Variants in NUMA1 observed in about 807,000 individuals in gnomAD.
The protein encoded by NUMA1 is SP-H antigen.
In NUMA1, 62 loss-of-function variants were observed where a neutral mutation model predicts 237.1. The observed-to-expected ratio is 0.26, with a 90% CI of 0.21 to 0.32. The LOEUF is 0.32. NUMA1 is among the 10% of genes least tolerant of loss of function. NUMA1 has a pLI of 1.00. For missense variants in NUMA1, 2,533 were observed against 2,666.5 expected (o/e 0.95, Z 1.10); for synonymous variants, 1,028 against 1,066.1 (o/e 0.96, Z 0.70).
chr11:72,022,143 G>T, intron 7 of NUMA1, 196 bp downstream of exon 7: 1 of 494,174 alleles, frequency 2.0e-6, no homozygotes, highest in Non-Finnish European at 3.6e-6. Context: ...AGCAAACTCT[G>T]GGAATGAGTT....
intron 6 of NUMA1, among the ~76,000 whole-genome samples, chr11:72,022,763 T>C (rs1183448631): frequency 6.6e-6 from 1 of 151,952 alleles, no homozygotes; most frequent in Non-Finnish European, 1.5e-5. Flanking sequence ...AATAAAAATA[T>C]GGTGATAGCC....
At position 72,046,188 on chromosome 11, in the gene NUMA1, A is replaced by G. The variant is rs372938345; in HGVS notation, c.-32-10213T>C. On this transcript the variant is annotated intron_variant, in intron 2 of 26. Transcript: ENST00000393695. ...GCCTAGACAGGCAGCAGGCGGCCACATGGCTCCTGCCTGATTCTTACTGTC... is the reference window on the plus strand; with the variant it reads ...GCCTAGACAGGCAGCAGGCGGCCACGTGGCTCCTGCCTGATTCTTACTGTC... 3.3e-5 allele frequency among the ~76,000 whole-genome samples: 5 copies of G among 152,340 alleles called. No individual in the cohort carries two copies. The East Asian group carries it at 5.8e-4, about 18-fold the overall frequency.
intron 6 of NUMA1, among the ~76,000 whole-genome samples, 191 bp from the exon 7 acceptor site, chr11:72,022,610 T>G (rs892841842): frequency 6.7e-6 from 1 of 150,130 alleles, no homozygotes; most frequent in Admixed American, 6.7e-5. Flanking sequence ...TTAAGGATAG[T>G]GTACACTGTA....
At chr11:72,016,592 G>A in intron 13 of NUMA1, 62 bp from the exon 14 acceptor site, 1 of 1,575,216 alleles carries the variant, frequency 6.3e-7, no homozygotes, top group Non-Finnish European at 8.7e-7. Flanking sequence ...TACCACACAA[G>A]CCCTCATAAA....
intron 1 of NUMA1, among the ~76,000 whole-genome samples, chr11:72,078,923 C>G (rs1201041186): frequency 2.0e-5 from 3 of 152,252 alleles, no homozygotes; most frequent in African/African-American, 7.2e-5. Flanking sequence ...AAAGCTTTAA[C>G]GACCAGACAA....
At chr11:72,047,742 G>A (rs1345100547) in intron 2 of NUMA1, 6 of 152,080 alleles carry the variant, frequency 3.9e-5, no homozygotes, top group Admixed American at 3.9e-4. Flanking sequence ...GATTAGCTAC[G>A]AATTACAACA....
In NUMA1 at chr11:72,004,235, G is replaced by A. The variant is rs763294236; in HGVS notation, c.6113C>T (p.Ser2038Phe). ...CAGCCCCAGCCTCACCTGTTTAGTA[G>A]AAGCTGGAGCTGCTTTCTTCTGGGC... ...TEAQKKAAPA[S>F]TKQADRRQSM... The change falls in exon 25 of 27, where the codon TCT becomes TTT. Residue 2038 changes from serine to phenylalanine, a missense_variant. Physicochemically the swap from Ser to Phe is radical, Grantham distance 155. Transcript: ENST00000393695. The A allele has an allele frequency of 1.2e-6, 2 of 1,610,782 alleles. No homozygotes were observed. The highest frequency in any genetic ancestry group is 1.1e-5 in the South Asian group (1 of 90,830).
chr11:72,014,804 T>A lies in NUMA1; in HGVS notation c.2699A>T (p.Asp900Val). The A allele has an allele frequency of 1.2e-6, 2 of 1,614,198 alleles. No individual in the cohort carries two copies. The highest frequency in any genetic ancestry group is 2.2e-5 in the South Asian group (2 of 91,090). The change falls in exon 15 of 27, where the codon GAT becomes GTT. Residue 900 changes from aspartate to valine, a missense_variant. Asp to Val is a radical substitution (Grantham distance 152). Coordinates refer to ENST00000393695, the MANE Select transcript of NUMA1 (RefSeq NM_006185.4). The surrounding 1 kb of genome is among the most constrained non-coding windows in gnomAD (Gnocchi z 4.6). ...EKEVRAQKLA[D>V]DLSTLQEKMA... ...CTTTTCCTGCAGAGTGGAGAGGTCATCTGCAAGCTTCTGGGCCCTGACTTC... is the reference window on the plus strand; with the variant it reads ...CTTTTCCTGCAGAGTGGAGAGGTCAACTGCAAGCTTCTGGGCCCTGACTTC...
chr11:72,018,651 G>T, intron 10 of NUMA1, 138 bp from the exon 11 acceptor site: 1 of 1,067,170 alleles, frequency 9.4e-7, no homozygotes, highest in Non-Finnish European at 1.4e-6. Context: ...CAATCTAAGG[G>T]AAAGAGAAGA....
At chr11:72,009,993 C>CT (rs767628585) in intron 17 of NUMA1, among the ~76,000 whole-genome samples, 1 of 152,248 alleles carries the variant, frequency 6.6e-6, no homozygotes, top group Non-Finnish European at 1.5e-5. Context: ...GCCTGATTCT[C>CT]TGTCCATCTG....
chr11:72,028,779 CT>C lies in NUMA1; in HGVS notation c.128+425del, dbSNP rs1244043661. 2.0e-5 allele frequency among the ~76,000 whole-genome samples: 3 copies of C among 152,340 alleles called. No individual in the cohort carries two copies. In the East Asian group the frequency reaches 5.8e-4, roughly 29 times the overall value. On this transcript the variant is annotated intron_variant, in intron 4 of 26. Coordinates refer to ENST00000393695, the MANE Select transcript of NUMA1 (RefSeq NM_006185.4). The stretch of plus-strand genomic sequence containing the variant: ...GAGATGAGATTTCTAGGTGTTTCTT[CT>C]TTCCTTCAGATGTGAGAGCTTCCCC...
intron 2 of NUMA1, among the ~76,000 whole-genome samples, chr11:72,046,683 G>C (rs917083257): frequency 6.6e-6 from 1 of 152,080 alleles, no homozygotes. Flanking sequence ...AGGGAGGGCT[G>C]GGCACAGTGG....
At chr11:72,011,532 C>G (rs1196264227) in intron 16 of NUMA1, among the ~76,000 whole-genome samples, 1 of 152,234 alleles carries the variant, frequency 6.6e-6, no homozygotes. Flanking sequence ...GGAGTTCAAG[C>G]ATGACCAGGC....
rs1202340994 is a variant in NUMA1 at position 72,015,057 on chromosome 11, G to A, written c.2446C>T (p.Arg816Trp). Residue 816 changes from arginine to tryptophan, a missense_variant, in exon 15 of 27, where the codon CGG becomes TGG. Physicochemically the swap from Arg to Trp is moderately radical, Grantham distance 101 (BLOSUM62 -3). Coordinates refer to ENST00000393695, the MANE Select transcript of NUMA1 (RefSeq NM_006185.4). This position sits in a 1 kb window ranked among gnomAD's most constrained non-coding sequence, Gnocchi z 4.0. ...LVKEVAAWRE[R>W]YEDSQQEEAQ... ...TCCTCTTGCTGGCTATCCTCATACC[G>A]CTCACGCCAGGCAGCTACTTCTTTG... 5.0e-6 allele frequency: 8 copies of A among 1,613,950 alleles called. No homozygotes were observed. Among genetic ancestry groups the A allele is most frequent in the East Asian group, 2.2e-5 (1 of 44,870 alleles).
intron 3 of NUMA1, among the ~76,000 whole-genome samples, chr11:72,034,515 T>C (rs1360062886): frequency 6.6e-6 from 1 of 151,982 alleles, no homozygotes; most frequent in Non-Finnish European, 1.5e-5. Flanking sequence ...GAGACCATCC[T>C]GGCCAACATG....
At position 72,016,502 on chromosome 11, in the gene NUMA1, A is replaced by C; in HGVS notation, c.1148T>G (p.Leu383Arg). 1.2e-6 allele frequency: 2 copies of C among 1,614,020 alleles called. No individual in the cohort carries two copies. Among genetic ancestry groups the C allele is most frequent in the Non-Finnish European group, 1.7e-6 (2 of 1,180,024 alleles). ...TTCCAGCTGTGAAAGTTTTCCCTGA[A>C]GGATTTCGTTCTTCTCTTCAAGGCA... is the stretch of plus-strand genomic sequence containing the variant. ...KKCLEEKNEILQGKLSQLEEH... is the reference protein window; with the variant it reads ...KKCLEEKNEIRQGKLSQLEEH... Residue 383 changes from leucine to arginine, a missense_variant, in exon 14 of 27, where the codon CTT becomes CGT. Transcript: ENST00000393695.
chr11:72,032,646 T>C (rs931592531), intron 3 of NUMA1, among the ~76,000 whole-genome samples: 3 of 152,230 alleles, frequency 2.0e-5, no homozygotes, highest in Admixed American at 6.5e-5. Context: ...CATTTAAAAG[T>C]TGAGGAAGTA....
Position 72,015,014 on chromosome 11 carries a change from A to G in NUMA1, c.2489T>C (p.Met830Thr), listed in dbSNP as rs371026819. ...CAAAGTCATCAGCTGTTCCTGGAACATGGCGCCATACTGTGCCTCCTCTTG... is the reference window on the plus strand; with the variant it reads ...CAAAGTCATCAGCTGTTCCTGGAACGTGGCGCCATACTGTGCCTCCTCTTG... The part of the protein sequence containing the change: ...SQQEEAQYGA[M>T]FQEQLMTLKE... Residue 830 changes from methionine (M) to threonine (T), a missense_variant, in exon 15 of 27, where the codon ATG (methionine) becomes ACG (threonine). By Grantham distance (81) the Met-to-Thr change is moderately conservative. Transcript: ENST00000393695. The surrounding 1 kb of genome is among the most constrained non-coding windows in gnomAD (Gnocchi z 4.0). 5.6e-6 allele frequency: 9 copies of G among 1,614,082 alleles called. No individual in the cohort carries two copies. The African/African-American group carries it at 6.7e-5, about 12-fold the overall frequency.
chr11:72,013,303 C>A lies in NUMA1; in HGVS notation c.4200G>T (p.Leu1400=). ...GCTCCCCAAGCTCCCGCTGGGCCCG[C>A]AGCAGCTCTGCCCGCAGTCCCCCAG... ...QAAGGLRAEL[L]RAQRELGELI... Residue 1400 remains leucine, a synonymous_variant, in exon 15 of 27, where the codon CTG becomes CTT. Coordinates refer to ENST00000393695, the MANE Select transcript of NUMA1 (RefSeq NM_006185.4). This position sits in a 1 kb window ranked among gnomAD's most constrained non-coding sequence, Gnocchi z 6.8. 1.2e-6 allele frequency: 2 copies of A among 1,604,954 alleles called. No individual in the cohort carries two copies. The highest frequency in any genetic ancestry group is 2.7e-5 in the African/African-American group (2 of 75,054).
Sources: gnomAD v4.1 joint callset for allele counts (sites outside exome capture counted in the v4.1 genomes callset) on GRCh38, gnomAD v4.1.1 for gene constraint, Gnocchi (gnomAD v3.1) non-coding constraint, MANE v1.5 for transcripts, NCBI Gene and HGNC (gene_info 2026-07-23, HGNC 2026-07-21) for gene names.